Variants in CTNNA1 observed in about 807,000 individuals in gnomAD.
The protein encoded by CTNNA1 is catenin alpha 1, also known as catenin alpha-1.
A neutral mutation model predicts 98.4 loss-of-function variants in CTNNA1; 37 were observed. The observed-to-expected ratio is 0.38, with a 90% CI of 0.29 to 0.49. CTNNA1 has a LOEUF of 0.49. Among genes scored for constraint, CTNNA1 ranks in the 20% least tolerant of loss-of-function variants. The pLI is 0.95. For missense variants in CTNNA1, 761 were observed against 1,147.2 expected (o/e 0.66, Z 4.86); for synonymous variants, 404 against 413.2 (o/e 0.98, Z 0.27).
chr5:138,759,308 T>C (rs944452311), intron 1 of CTNNA1, among the ~76,000 whole-genome samples: 1 of 152,250 alleles, frequency 6.6e-6, no homozygotes, highest in Middle Eastern at 3.2e-3. Context: ...GTTTTTATGC[T>C]GAGGATCAGC....
chr5:138,819,217 G>A (rs896316910), intron 5 of CTNNA1, among the ~76,000 whole-genome samples: 1 of 152,132 alleles, frequency 6.6e-6, no homozygotes, highest in Non-Finnish European at 1.5e-5. Context: ...GCCCCCGGAT[G>A]GTGGAGCTTG....
intron 11 of CTNNA1, among the ~76,000 whole-genome samples, chr5:138,923,388 A>G (rs906975257): frequency 2.3e-4 from 35 of 152,290 alleles, no homozygotes; most frequent in Middle Eastern, 6.8e-3. Flanking sequence ...AGTGGTATAA[A>G]CCCTGGCAAG....
At chr5:138,888,724 ATT>A (rs879262997) in intron 9 of CTNNA1, among the ~76,000 whole-genome samples, 3 of 140,762 alleles carry the variant, frequency 2.1e-5, no homozygotes, top group Non-Finnish European at 1.6e-5. Flanking sequence ...ATTTTTTTGT[ATT>A]TTTTTTTTTT....
At chr5:138,803,027 C>T (rs1025745174) in intron 3 of CTNNA1, among the ~76,000 whole-genome samples, 6 of 152,022 alleles carry the variant, frequency 3.9e-5, no homozygotes, top group African/African-American at 1.5e-4. Flanking sequence ...GTCTCAAACT[C>T]CCTGGGCTCA....
intron 7 of CTNNA1, among the ~76,000 whole-genome samples, chr5:138,855,814 G>A (rs1429849080): frequency 6.6e-6 from 1 of 152,172 alleles, no homozygotes. Flanking sequence ...GACAGTTTTT[G>A]TAGTTTGCCT....
Position 138,893,651 on chromosome 5 carries a change from T to C in CTNNA1, c.1296+6009T>C, listed in dbSNP as rs918469701. ...TTATTTGTTTATTTTTGAGATGGAG[T>C]CTCTCTCTGTCACCCAGGCTGGAGT... On this transcript the variant is annotated intron_variant, in intron 9 of 17. Coordinates refer to ENST00000302763, the MANE Select transcript of CTNNA1 (RefSeq NM_001903.5). Among the ~76,000 whole-genome samples, 4 of 152,062 alleles carry C rather than the reference T, an allele frequency of 2.6e-5. No homozygotes were observed. The East Asian group carries it at 7.7e-4, about 29-fold the overall frequency.
At chr5:138,787,914 C>T (rs1289725792) in intron 3 of CTNNA1, among the ~76,000 whole-genome samples, 1 of 152,228 alleles carries the variant, frequency 6.6e-6, no homozygotes, top group Non-Finnish European at 1.5e-5. Flanking sequence ...ATGAAATGGT[C>T]AGGTGAGCCA....
chr5:138,905,109 A>T (rs867753801), intron 10 of CTNNA1, among the ~76,000 whole-genome samples: 4 of 90,096 alleles, frequency 4.4e-5, no homozygotes, highest in Admixed American at 9.7e-5. Flanking sequence ...AAAAAAAAAA[A>T]AAATACATAC....
At chr5:138,875,767 A>G (rs1751356608) in intron 7 of CTNNA1, 1 of 972,246 alleles carries the variant, frequency 1.0e-6, no homozygotes, top group Non-Finnish European at 1.2e-6. Context: ...TAGTTTGGAA[A>G]GCTATTCAGT....
intron 1 of CTNNA1, among the ~76,000 whole-genome samples, chr5:138,772,069 T>A (rs1445355026): frequency 1.3e-5 from 2 of 152,200 alleles, no homozygotes; most frequent in Non-Finnish European, 2.9e-5. Flanking sequence ...TTGGAGAAGG[T>A]ACGTAGTTCT....
chr5:138,912,323 G>C (rs1760829740), intron 10 of CTNNA1, among the ~76,000 whole-genome samples: 1 of 152,154 alleles, frequency 6.6e-6, no homozygotes, highest in African/African-American at 2.4e-5. Flanking sequence ...GGGAAGAGTA[G>C]AAAGAGGAGA....
intron 7 of CTNNA1, among the ~76,000 whole-genome samples, chr5:138,856,734 G>A (rs1375129900): frequency 6.6e-6 from 1 of 152,150 alleles, no homozygotes; most frequent in Admixed American, 6.5e-5. Context: ...GCAGAAGGGT[G>A]GATTTTACTA....
At chr5:138,795,519 A>G (rs945900268) in intron 3 of CTNNA1, among the ~76,000 whole-genome samples, 5 of 152,086 alleles carry the variant, frequency 3.3e-5, no homozygotes, top group Non-Finnish European at 1.5e-5. Context: ...ATCAAATCAG[A>G]TGTATTTAAG....
chr5:138,911,035 T>G (rs1312205602), intron 10 of CTNNA1, among the ~76,000 whole-genome samples: 1 of 152,114 alleles, frequency 6.6e-6, no homozygotes, highest in Non-Finnish European at 1.5e-5. Flanking sequence ...GCCCAGGAAT[T>G]CTAGAACAGC....
chr5:138,901,604 T>G (rs79897790), intron 9 of CTNNA1, among the ~76,000 whole-genome samples: 1,700 of 152,222 alleles, frequency 0.011, 32 homozygotes, highest in African/African-American at 0.039. Context: ...AAAAATTTTT[T>G]AATGTATAGA....
chr5:138,861,213 G>A (rs1471613425), intron 7 of CTNNA1, among the ~76,000 whole-genome samples: 1 of 152,050 alleles, frequency 6.6e-6, no homozygotes, highest in African/African-American at 2.4e-5. Flanking sequence ...TAGAGACGGG[G>A]TTTCACCATG....
chr5:138,766,338 G>T (rs1212819188), intron 1 of CTNNA1, among the ~76,000 whole-genome samples: 3 of 152,132 alleles, frequency 2.0e-5, no homozygotes, highest in Admixed American at 1.3e-4. Flanking sequence ...GTGCATTGGG[G>T]AATATTTTCT....
At chr5:138,901,218 C>T (rs190461411) in intron 9 of CTNNA1, among the ~76,000 whole-genome samples, 35 of 152,112 alleles carry the variant, frequency 2.3e-4, no homozygotes, top group Admixed American at 1.7e-3. Context: ...AGTGCAGTGG[C>T]GCCATCTCAG....
intron 11 of CTNNA1, among the ~76,000 whole-genome samples, chr5:138,918,143 A>G (rs1181030718): frequency 2.0e-5 from 3 of 152,168 alleles, no homozygotes; most frequent in East Asian, 3.9e-4. Context: ...TCTGAATCCT[A>G]GGAGCATGAA....
Sources: allele counts gnomAD v4.1 joint callset (sites outside exome capture counted in the v4.1 genomes callset), GRCh38; gene constraint gnomAD v4.1.1; transcripts MANE v1.5; gene names NCBI Gene and HGNC (gene_info 2026-07-23, HGNC 2026-07-21).